The following CREBZF variants were observed in gnomAD, a reference collection of about 807,000 sequenced individuals.
CREBZF encodes the protein HCF-binding transcription factor Zhangfei.
A neutral mutation model predicts 21.1 loss-of-function variants in CREBZF; 8 were observed. The observed-to-expected ratio is 0.38, with a 90% CI of 0.22 to 0.68. The LOEUF (loss-of-function observed/expected upper bound fraction) is 0.68. Ranked by LOEUF, CREBZF falls within the 30% of genes least tolerant of loss-of-function variation. The pLI, the probability that CREBZF is intolerant of heterozygous loss-of-function variation, is 0.51. For synonymous variants in CREBZF, 270 were observed against 223.3 expected (o/e 1.21, Z -1.86); for missense variants, 518 against 484.3 (o/e 1.07, Z -0.65).
intron 1 of CREBZF, chr11:85,682,606 T>TCCCCCCC: frequency 9.8e-6 from 2 of 204,628 alleles, no homozygotes; most frequent in Non-Finnish European, 1.7e-5. Flanking sequence ...CCTGCCCTAC[T>TCCCCCCC]CCCCCCAACG....
At chr11:85,675,015 C>A (rs1456342890) in intron 1 of CREBZF, among the ~76,000 whole-genome samples, 1 of 152,208 alleles carries the variant, frequency 6.6e-6, no homozygotes, top group Non-Finnish European at 1.5e-5. Context: ...CAGCTAGGGC[C>A]TTGCTCTGGG....
chr11:85,660,506 G>T lies in CREBZF; in HGVS notation c.*3305C>A, dbSNP rs891454912. 2.4e-6 allele frequency: 1 copy of T among 414,022 alleles called. No homozygotes were observed. Among genetic ancestry groups the T allele is most frequent in the Non-Finnish European group, 4.7e-6 (1 of 212,378 alleles). The allele number at this position is 414,022 out of a possible 1,614,324, so 25.6% of individuals were successfully genotyped here. On this transcript the variant is annotated 3_prime_UTR_variant, in exon 1 of 1. Coordinates refer to ENST00000527447, the MANE Select transcript of CREBZF (RefSeq NM_001039618.4). ...TTTTTTCAGCAGATGCCAAATTTTT[G>T]ACCGACATGGTTCTCACAATTACTT...
intron 1 of CREBZF, among the ~76,000 whole-genome samples, chr11:85,678,286 A>C (rs952481658): frequency 6.6e-6 from 1 of 152,196 alleles, no homozygotes; most frequent in African/African-American, 2.4e-5. Context: ...GGGAGGCAAG[A>C]AACAGGCCCT....
chr11:85,665,042 CAAGGCGCGGGGAGGGACGG>C lies in CREBZF; in HGVS notation c.-186_-168del. ...CACTTGGCTAGTCGACCCCCCGCGC[CAAGGCGCGGGGAGGGACGG>C]GAGAACGAAGCGGTGAGGCCCTGCG... On this transcript the variant is annotated 5_prime_UTR_variant, in exon 1 of 1. Transcript: ENST00000527447. The C allele has an allele frequency of 4.3e-6, 2 of 464,576 alleles. No homozygotes were observed. Among genetic ancestry groups the C allele is most frequent in the Non-Finnish European group, 7.4e-6 (2 of 270,638 alleles). The allele number at this position is 464,576 out of a possible 1,614,324, so 28.8% of individuals were successfully genotyped here.
intron 1 of CREBZF, among the ~76,000 whole-genome samples, chr11:85,680,661 T>C (rs116419457): frequency 1.1e-3 from 166 of 152,356 alleles, no homozygotes; most frequent in African/African-American, 3.8e-3. Flanking sequence ...GACTCATCTG[T>C]ACAGCTCTAG....
chr11:85,681,732 T>G (rs963577724), intron 1 of CREBZF, among the ~76,000 whole-genome samples: 2 of 152,222 alleles, frequency 1.3e-5, no homozygotes, highest in Admixed American at 6.5e-5. Context: ...TGTTTAAATT[T>G]CCCCTCAAAG....
In CREBZF at chr11:85,661,829, T is replaced by C. The variant is rs1436794140; in HGVS notation, c.*1982A>G. 2 of 152,432 alleles carry C rather than the reference T, an allele frequency of 1.3e-5. No homozygotes were observed. Among genetic ancestry groups the C allele is most frequent in the Non-Finnish European group, 2.9e-5 (2 of 67,984 alleles). The allele number at this position is 152,432 out of a possible 1,614,324, so 9.4% of individuals were successfully genotyped here. On this transcript the variant is annotated 3_prime_UTR_variant, in exon 1 of 1. Coordinates refer to ENST00000527447, the MANE Select transcript of CREBZF (RefSeq NM_001039618.4). ...CTGCACAAAATTATATACAAAGAAA[T>C]ATATACAAAATGTTCAAGTATTAGT... is the stretch of plus-strand genomic sequence containing the variant.
At chr11:85,669,019 A>G (rs1389941410), upstream of CREBZF, among the ~76,000 whole-genome samples, 3 of 123,142 alleles carry the variant, frequency 2.4e-5, no homozygotes, top group African/African-American at 1.1e-4. Context: ...AAAAAAAAAA[A>G]AAAAAAAAAA....
At chr11:85,667,597 A>G (rs2082881541), upstream of CREBZF, among the ~76,000 whole-genome samples, 2 of 152,286 alleles carry the variant, frequency 1.3e-5, no homozygotes, top group South Asian at 4.1e-4. Flanking sequence ...TTTTTTTAAA[A>G]ATCATTTTAC....
chr11:85,674,779 C>T (rs2082932243), intron 1 of CREBZF, among the ~76,000 whole-genome samples: 1 of 152,238 alleles, frequency 6.6e-6, no homozygotes, highest in African/African-American at 2.4e-5. Flanking sequence ...GCTGCTTCTC[C>T]ATCAGCACTT....
Position 85,665,099 on chromosome 11 carries a change from C to G in CREBZF, c.-224G>C, listed in dbSNP as rs1014981737. The stretch of plus-strand genomic sequence containing the variant: ...GTGAGGCCCTGCGATGACTCGACCG[C>G]GCCACCCAGACAACGGCGTAGCCGG... On this transcript the variant is annotated 5_prime_UTR_variant, in exon 1 of 1. Transcript: ENST00000527447. 5 of 419,240 alleles carry G rather than the reference C, an allele frequency of 1.2e-5. No individual in the cohort carries two copies. Among genetic ancestry groups the G allele is most frequent in the Admixed American group, 4.2e-5 (1 of 23,568 alleles). The allele number at this position is 419,240 out of a possible 1,614,324, so 26.0% of individuals were successfully genotyped here.
chr11:85,668,725 G>A (rs540482770), upstream of CREBZF, among the ~76,000 whole-genome samples: 19 of 152,020 alleles, frequency 1.2e-4, no homozygotes, highest in Non-Finnish European at 1.8e-4. Flanking sequence ...ACATGCGGCC[G>A]GGCGCGGTGG....
Position 85,660,768 on chromosome 11 carries a change from A to G in CREBZF, c.*3043T>C. On this transcript the variant is annotated 3_prime_UTR_variant, in exon 1 of 1. Transcript: ENST00000527447. ...AGAAGTGCAGAAACAGTAAGTCAAT[A>G]TGATAGAAATAGTAGGTCAAAATAT... 1 of 303,646 alleles carries G rather than the reference A, an allele frequency of 3.3e-6. No homozygotes were observed. Among genetic ancestry groups the G allele is most frequent in the South Asian group, 2.7e-5 (1 of 36,966 alleles). 18.8% of individuals were successfully genotyped at this position (303,646 alleles called of 1,614,324 possible). A position where few individuals can be genotyped will look rare whatever the true frequency, so the allele number is the denominator to read the frequency against.
chr11:85,673,345 G>A (rs1197623001), intron 1 of CREBZF, among the ~76,000 whole-genome samples: 1 of 152,178 alleles, frequency 6.6e-6, no homozygotes, highest in South Asian at 2.1e-4. Flanking sequence ...TTTGATTCCA[G>A]ACCACCACAA....
Position 85,665,035 on chromosome 11 carries a change from C to A in CREBZF, c.-160G>T. The A allele has an allele frequency of 4.2e-6, 2 of 480,646 alleles. No individual in the cohort carries two copies. The highest frequency in any genetic ancestry group is 8.1e-5 in the South Asian group (1 of 12,320). 29.8% of individuals were successfully genotyped at this position (480,646 alleles called of 1,614,324 possible). On this transcript the variant is annotated 5_prime_UTR_variant, in exon 1 of 1. Coordinates refer to ENST00000527447, the MANE Select transcript of CREBZF (RefSeq NM_001039618.4). ...CCCGCCTCACTTGGCTAGTCGACCC[C>A]CCGCGCCAAGGCGCGGGGAGGGACG...
rs1399157908 is a variant in CREBZF at position 85,664,572 on chromosome 11, G to T, written c.304C>A (p.Leu102Met). 2 of 1,613,960 alleles carry T rather than the reference G, an allele frequency of 1.2e-6. No homozygotes were observed. The highest frequency in any genetic ancestry group is 1.7e-6 in the Non-Finnish European group (2 of 1,179,976). ...PGEETEDMDF[L>M]SGLELADLLD... ...AGATCCGCCAGTTCCAGCCCAGACA[G>T]AAAGTCCATATCCTCCGTCTCTTCC... The change falls in exon 1 of 1, where the codon CTG (leucine) becomes ATG (methionine). Residue 102 changes from leucine to methionine, a missense_variant. Physicochemically the swap from Leu to Met is conservative, Grantham distance 15. Around this residue, in one of 3 missense-constraint regions of CREBZF, gnomAD observed 396 missense variants for 324.4 expected, o/e 1.22. Coordinates refer to ENST00000527447, the MANE Select transcript of CREBZF (RefSeq NM_001039618.4). The surrounding 1 kb of genome is among the most constrained non-coding windows in gnomAD (Gnocchi z 5.5).
Position 85,664,401 on chromosome 11 carries a change from A to G in CREBZF, c.475T>C (p.Phe159Leu), listed in dbSNP as rs1394284220. ...DEAAAAEMQRFSDLLQRLLNG... is the reference protein window; with the variant it reads ...DEAAAAEMQRLSDLLQRLLNG... The stretch of plus-strand genomic sequence containing the variant: ...AACAGCCTTTGCAGCAGGTCAGAGA[A>G]GCGCTGCATTTCAGCAGCCGCGGCC... Residue 159 changes from phenylalanine to leucine, a missense_variant, in exon 1 of 1, where the codon TTC (phenylalanine) becomes CTC (leucine). Phe to Leu is a conservative substitution (Grantham distance 22). This residue lies in a region of CREBZF where 396 missense variants were observed against 324.4 expected (regional missense o/e 1.22). Transcript: ENST00000527447. This position sits in a 1 kb window ranked among gnomAD's most constrained non-coding sequence, Gnocchi z 5.5. The G allele has an allele frequency of 1.2e-6, 2 of 1,613,716 alleles. No individual in the cohort carries two copies.
chr11:85,680,031 C>T (rs372345744), intron 1 of CREBZF, among the ~76,000 whole-genome samples: 1 of 152,150 alleles, frequency 6.6e-6, no homozygotes, highest in Non-Finnish European at 1.5e-5. Flanking sequence ...TTTCCCATTC[C>T]TAACCCTGAC....
In CREBZF at chr11:85,658,100, G is replaced by A. The variant is rs2082568133; in HGVS notation, c.*5711C>T. Among the ~76,000 whole-genome samples, 1 of 151,836 alleles carries A rather than the reference G, an allele frequency of 6.6e-6. No individual in the cohort carries two copies. The highest frequency in any genetic ancestry group is 6.6e-5 in the Admixed American group (1 of 15,240). On this transcript the variant is annotated 3_prime_UTR_variant, in exon 1 of 1. Coordinates refer to ENST00000527447, the MANE Select transcript of CREBZF (RefSeq NM_001039618.4). ...CTATATTCTGTCACTTTTACTAAAAGCAGAGTTCTACTCATCCCAGTGAAA... is the reference window on the plus strand; with the variant it reads ...CTATATTCTGTCACTTTTACTAAAAACAGAGTTCTACTCATCCCAGTGAAA...
Sources: gnomAD v4.1 joint callset for allele counts (sites outside exome capture counted in the v4.1 genomes callset) on GRCh38, gnomAD v4.1.1 for gene constraint, gnomAD v4.1.1 regional missense constraint, Gnocchi (gnomAD v3.1) non-coding constraint, MANE v1.5 for transcripts, NCBI Gene and HGNC (gene_info 2026-07-23, HGNC 2026-07-21) for gene names.